Variants in SLC8A1 observed in about 807,000 individuals in gnomAD.
The protein encoded by SLC8A1 is solute carrier family 8 member A1.
Under a neutral mutation model 68.3 loss-of-function variants are expected in SLC8A1, and 18 were observed. The observed-to-expected ratio is 0.26, with a 90% confidence interval of 0.18 to 0.39. The LOEUF is 0.39. Ranked by LOEUF, SLC8A1 falls within the 10% of genes least tolerant of loss-of-function variation. The pLI, the probability that SLC8A1 is intolerant of heterozygous loss-of-function variation, is 1.00. For missense variants in SLC8A1, 985 were observed against 1,156.7 expected (o/e 0.85, Z 2.15); for synonymous variants, 475 against 415.5 (o/e 1.14, Z -1.74).
At chr2:40,384,811 T>A (rs1382469863) in intron 2 of SLC8A1, among the ~76,000 whole-genome samples, 1 of 152,088 alleles carries the variant, frequency 6.6e-6, no homozygotes, top group African/African-American at 2.4e-5. Context: ...TACAATTTTT[T>A]CCCGGCATTT....
intron 2 of SLC8A1, among the ~76,000 whole-genome samples, chr2:40,422,811 T>C (rs982660138): frequency 3.9e-5 from 6 of 152,288 alleles, no homozygotes; most frequent in African/African-American, 1.2e-4. Context: ...CAAAGTAGTA[T>C]GGAAGAACAA....
intron 2 of SLC8A1, among the ~76,000 whole-genome samples, chr2:40,302,542 A>T (rs2071710370): frequency 6.8e-6 from 1 of 147,894 alleles, no homozygotes; most frequent in Admixed American, 6.8e-5. Flanking sequence ...TTACACACAT[A>T]TCATATATAT....
At chr2:40,347,224 C>G (rs148030789) in intron 2 of SLC8A1, among the ~76,000 whole-genome samples, 146 of 152,338 alleles carry the variant, frequency 9.6e-4, no homozygotes, top group African/African-American at 3.3e-3. Flanking sequence ...AGCCCCAAAC[C>G]ACTGGCCTCA....
At chr2:40,397,312 C>A (rs185345658) in intron 2 of SLC8A1, among the ~76,000 whole-genome samples, 31 of 152,264 alleles carry the variant, frequency 2.0e-4, no homozygotes, top group Middle Eastern at 3.4e-3. Context: ...GGTCAGTTTT[C>A]TAAGTTGATA....
intron 2 of SLC8A1, among the ~76,000 whole-genome samples, chr2:40,241,473 A>G (rs1309532160): frequency 6.6e-6 from 1 of 152,220 alleles, no homozygotes; most frequent in Admixed American, 6.5e-5. Flanking sequence ...TCCGTCAAAA[A>G]TAAAAGTTGA....
intron 2 of SLC8A1, among the ~76,000 whole-genome samples, chr2:40,390,834 A>AT (rs1479014731): frequency 6.6e-6 from 1 of 152,156 alleles, no homozygotes; most frequent in East Asian, 1.9e-4. Context: ...TGTAGAGTAA[A>AT]TTTTTTTAAA....
chr2:40,266,838 C>T (rs143125602), intron 2 of SLC8A1, among the ~76,000 whole-genome samples: 1 of 152,168 alleles, frequency 6.6e-6, no homozygotes, highest in Admixed American at 6.5e-5. Flanking sequence ...AATTGGCACT[C>T]TGCTTCCACC....
At chr2:40,333,352 C>G (rs981010353) in intron 2 of SLC8A1, among the ~76,000 whole-genome samples, 1 of 151,372 alleles carries the variant, frequency 6.6e-6, no homozygotes, top group African/African-American at 2.4e-5. Context: ...GCAGGAGAAT[C>G]CCTTGAACCC....
At chr2:40,398,505 A>G (rs1687698126) in intron 2 of SLC8A1, among the ~76,000 whole-genome samples, 1 of 152,234 alleles carries the variant, frequency 6.6e-6, no homozygotes, top group Non-Finnish European at 1.5e-5. Context: ...AAACAGAAAG[A>G]AGAAAATAAT....
chr2:40,501,058 T>A (rs1706032577), intron 1 of SLC8A1, among the ~76,000 whole-genome samples: 1 of 151,964 alleles, frequency 6.6e-6, no homozygotes, highest in African/African-American at 2.4e-5. Flanking sequence ...CCTAAACATA[T>A]CAAGTTGTTC....
chr2:40,107,723 G>C (rs4952446), exon 8 of SLC8A1: 116,385 of 152,104 alleles, frequency 0.77, 46,184 homozygotes, highest in East Asian at 0.97. Context: ...GACAATCCTA[G>C]ACATACAGAA....
rs538965739 is a variant in SLC8A1 at position 40,337,130 on chromosome 2, G to A, written c.1808+91343C>T. Among the ~76,000 whole-genome samples the A allele has an allele frequency of 5.3e-5, 8 of 152,228 alleles. No individual in the cohort carries two copies. In the South Asian group the frequency reaches 6.2e-4, roughly 12 times the overall value. Reference sequence around the variant, plus strand: ...ATATAAGCATGATAATTGTGTAAGCGTTTTAACTAATGTGCTGACCATAGT... The same window carrying A: ...ATATAAGCATGATAATTGTGTAAGCATTTTAACTAATGTGCTGACCATAGT... On this transcript the variant is annotated intron_variant, in intron 2 of 7. Transcript: ENST00000406785.
chr2:40,136,342 G>T (rs2148256816), intron 7 of SLC8A1, among the ~76,000 whole-genome samples: 1 of 152,286 alleles, frequency 6.6e-6, no homozygotes, highest in African/African-American at 2.4e-5. Context: ...CAAGGAAGAA[G>T]CTTTGTCTCA....
chr2:40,452,310 G>C (rs1239328454), upstream of SLC8A1, among the ~76,000 whole-genome samples: 1 of 151,846 alleles, frequency 6.6e-6, no homozygotes, highest in Non-Finnish European at 1.5e-5. Context: ...ATCGCGTCGG[G>C]GCAAAGCCGG....
intron 1 of SLC8A1, among the ~76,000 whole-genome samples, chr2:40,463,839 T>TACACACACACACACACACACAC (rs761954909): frequency 1.6e-5 from 2 of 123,398 alleles, no homozygotes; most frequent in South Asian, 2.9e-4. Flanking sequence ...CACACACACA[T>TACACACACACACACACACACAC]ACACACACAC....
At chr2:40,234,751 C>G (rs2060141862) in intron 2 of SLC8A1, among the ~76,000 whole-genome samples, 1 of 152,030 alleles carries the variant, frequency 6.6e-6, no homozygotes, top group Non-Finnish European at 1.5e-5. Context: ...ATAGATAGCT[C>G]TTATTATTTT....
chr2:40,307,850 A>G (rs968624021), intron 2 of SLC8A1, among the ~76,000 whole-genome samples: 1 of 152,168 alleles, frequency 6.6e-6, no homozygotes, highest in South Asian at 2.1e-4. Context: ...ACTTAATTCT[A>G]TGTAGGCTGC....
intron 2 of SLC8A1, among the ~76,000 whole-genome samples, chr2:40,427,340 A>G (rs1373582445): frequency 2.0e-5 from 3 of 152,230 alleles, no homozygotes; most frequent in South Asian, 4.1e-4. Context: ...ACCATTTGGC[A>G]TATCATATGC....
At chr2:40,350,389 G>C (rs998800358) in intron 2 of SLC8A1, among the ~76,000 whole-genome samples, 1 of 151,864 alleles carries the variant, frequency 6.6e-6, no homozygotes, top group Admixed American at 6.6e-5. Context: ...GCTGAGGTGG[G>C]AGGATCACTT....
Sources: allele counts gnomAD v4.1 joint callset (sites outside exome capture counted in the v4.1 genomes callset), GRCh38; gene constraint gnomAD v4.1.1; transcripts MANE v1.5; gene names NCBI Gene and HGNC (gene_info 2026-07-23, HGNC 2026-07-21).